LRRIQ1: variants seen among roughly 807,000 people sequenced by gnomAD.
LRRIQ1 encodes the protein leucine-rich repeat- and IQ domain-containing protein 1.
In LRRIQ1, 210 loss-of-function variants were observed where a neutral mutation model predicts 211.9. That is an observed-to-expected ratio of 0.99 (90% CI 0.89 to 1.11). LRRIQ1 has a LOEUF of 1.11. Ranked by LOEUF, LRRIQ1 falls within the 50% of genes most tolerant of loss-of-function variation. The probability of loss-of-function intolerance (pLI) is 0.00; values close to 1 mark genes in which losing one functional copy is unlikely to be tolerated. For synonymous variants in LRRIQ1, 699 were observed against 650.1 expected, an observed-to-expected ratio of 1.08 and a Z score of -1.14; for missense variants, 2,136 against 1,939.5, an observed-to-expected ratio of 1.10 and a Z score of -1.90.
intron 11 of LRRIQ1, among the ~76,000 whole-genome samples, chr12:85,077,514 G>A (rs2136138381): frequency 6.6e-6 from 1 of 152,250 alleles, no homozygotes; most frequent in Admixed American, 6.5e-5. Flanking sequence ...AATAGGGCAG[G>A]GGAAGAAATA....
intron 11 of LRRIQ1, chr12:85,076,551 T>C (rs1160099025): frequency 2.2e-5 from 15 of 668,600 alleles, no homozygotes; most frequent in Non-Finnish European, 5.5e-6. Flanking sequence ...CCTTCTTTAT[T>C]TTCTAGATAA....
At chr12:85,255,697 C>A (rs750251824) in intron 1 of LRRIQ1, among the ~76,000 whole-genome samples, 2 of 151,666 alleles carry the variant, frequency 1.3e-5, no homozygotes, top group African/African-American at 2.4e-5. Flanking sequence ...TTTTAAGAGT[C>A]TTTTAAATTA....
chr12:85,130,745 G>A (rs1395615034), intron 18 of LRRIQ1, among the ~76,000 whole-genome samples: 3 of 152,104 alleles, frequency 2.0e-5, no homozygotes, highest in Non-Finnish European at 4.4e-5. Context: ...GTGTGATATA[G>A]CAGAAACAAC....
intron 24 of LRRIQ1, among the ~76,000 whole-genome samples, chr12:85,219,785 T>A (rs1021316803): frequency 1.3e-4 from 20 of 152,132 alleles, no homozygotes; most frequent in Non-Finnish European, 2.8e-4. Flanking sequence ...CTTAAATATA[T>A]TTTTAAAGAA....
intron 11 of LRRIQ1, chr12:85,076,431 CT>C (rs1303507198): frequency 1.2e-4 from 19 of 157,776 alleles, no homozygotes; most frequent in Admixed American, 1.2e-3. Context: ...AAACTTTAAT[CT>C]GAAAAAATAT....
intron 24 of LRRIQ1, among the ~76,000 whole-genome samples, chr12:85,174,291 T>C (rs962956542): frequency 6.6e-6 from 1 of 151,872 alleles, no homozygotes; most frequent in African/African-American, 2.4e-5. Flanking sequence ...GCAGAAGATA[T>C]TGATAAATAA....
chr12:85,192,116 T>C (rs1377720513), intron 24 of LRRIQ1, among the ~76,000 whole-genome samples: 1 of 151,700 alleles, frequency 6.6e-6, no homozygotes, highest in Non-Finnish European at 1.5e-5. Flanking sequence ...AGTATTATAG[T>C]ATCTGATAAG....
Position 85,055,568 on chromosome 12 carries a change from T to A in LRRIQ1, c.775T>A (p.Leu259Ile), listed in dbSNP as rs774170751. The A allele has an allele frequency of 9.1e-6, 14 of 1,539,602 alleles. No homozygotes were observed. Among genetic ancestry groups the A allele is most frequent in the Non-Finnish European group, 1.0e-5 (12 of 1,150,916 alleles). The change falls in exon 8 of 27, where the codon TTA (leucine) becomes ATA (isoleucine). Residue 259 changes from leucine to isoleucine, a missense_variant. Transcript: ENST00000393217. ...QHEEYIRNLH[L>I]QMEEERTRFK... ...TTAGGAGTATATTAGAAACTTGCATTTACAAATGGAAGAAGAAAGAACAAG... is the reference window on the plus strand; with the variant it reads ...TTAGGAGTATATTAGAAACTTGCATATACAAATGGAAGAAGAAAGAACAAG...
chr12:85,186,855 TAAAG>T (rs1054660034), intron 24 of LRRIQ1, among the ~76,000 whole-genome samples: 8 of 151,882 alleles, frequency 5.3e-5, no homozygotes, highest in African/African-American at 1.2e-4. Context: ...ATATCTAGTA[TAAAG>T]AGAGTTGATG....
chr12:85,232,220 A>G (rs776654732), intron 25 of LRRIQ1, among the ~76,000 whole-genome samples: 2 of 152,112 alleles, frequency 1.3e-5, no homozygotes, highest in African/African-American at 4.8e-5. Flanking sequence ...ATTTTCAAAG[A>G]CAAGAGTTCT....
At chr12:85,150,128 T>G (rs1012381388) in intron 19 of LRRIQ1, among the ~76,000 whole-genome samples, 2 of 151,786 alleles carry the variant, frequency 1.3e-5, no homozygotes, top group African/African-American at 4.8e-5. Flanking sequence ...AAAAAGGCTG[T>G]TTGTATAAAA....
rs1344450072 is a variant in LRRIQ1 at position 85,065,542 on chromosome 12, A to T, written c.2544+128A>T. The T allele has an allele frequency of 1.4e-4, 94 of 659,574 alleles. 1 individual carries two copies. The highest frequency in any genetic ancestry group is 1.5e-5 in the Non-Finnish European group (7 of 452,840). 40.9% of individuals were successfully genotyped at this position (659,574 alleles called of 1,614,324 possible). On this transcript the variant is annotated intron_variant, in intron 9 of 26. Transcript: ENST00000393217. ...AACCTGTAACTCAGAGCCTGAAGAG[A>T]TCAGGTGGTATGGTAAAGTTTTGAG...
chr12:85,047,402 G>A lies in LRRIQ1; in HGVS notation c.610G>A (p.Glu204Lys). Residue 204 changes from glutamate to lysine, a missense_variant, in exon 6 of 27, where the codon GAA becomes AAA. Transcript: ENST00000393217. Reference protein sequence around the residue: ...DREEKQFQEEEEKRHCWMKQF... With the variant: ...DREEKQFQEEKEKRHCWMKQF... Reference sequence around the variant, plus strand: ...AGAAGAAAAACAATTTCAAGAAGAAGAAGAAAAGCGACATTGCTGGATGAA... The same window carrying A: ...AGAAGAAAAACAATTTCAAGAAGAAAAAGAAAAGCGACATTGCTGGATGAA... 1 of 1,598,910 alleles carries A rather than the reference G, an allele frequency of 6.3e-7. No homozygotes were observed. The highest frequency in any genetic ancestry group is 8.5e-7 in the Non-Finnish European group (1 of 1,171,816).
intron 24 of LRRIQ1, among the ~76,000 whole-genome samples, chr12:85,188,820 G>A (rs1395854585): frequency 6.6e-6 from 1 of 152,100 alleles, no homozygotes; most frequent in African/African-American, 2.4e-5. Context: ...GTCAGTGCCA[G>A]TGTCATACAG....
intron 4 of LRRIQ1, 125 bp downstream of exon 4, chr12:85,044,934 T>G: frequency 4.7e-6 from 2 of 429,526 alleles, no homozygotes; most frequent in East Asian, 7.4e-5. Flanking sequence ...TAATTATTCT[T>G]AAGCAAATCA....
intron 15 of LRRIQ1, among the ~76,000 whole-genome samples, chr12:85,119,656 A>G (rs1887831285): frequency 1.3e-5 from 2 of 152,226 alleles, no homozygotes; most frequent in South Asian, 4.1e-4. Context: ...CTTGCTCTAT[A>G]TCTTCACCAG....
At chr12:85,250,002 C>G (rs1002735222), downstream of LRRIQ1, among the ~76,000 whole-genome samples, 4 of 151,424 alleles carry the variant, frequency 2.6e-5, no homozygotes, top group Non-Finnish European at 4.4e-5. Flanking sequence ...ATTGTTTCTT[C>G]TTCTCCTCTG....
intron 18 of LRRIQ1, among the ~76,000 whole-genome samples, chr12:85,133,207 A>G (rs1292384591): frequency 1.3e-5 from 2 of 152,134 alleles, no homozygotes; most frequent in African/African-American, 2.4e-5. Context: ...ATGATTTTTT[A>G]TATTTTTCCC....
chr12:85,156,600 T>A (rs1890561364), intron 23 of LRRIQ1, among the ~76,000 whole-genome samples: 1 of 151,876 alleles, frequency 6.6e-6, no homozygotes, highest in African/African-American at 2.4e-5. Context: ...CTGTCTCAAA[T>A]AATGACCATA....
Sources: allele counts gnomAD v4.1 joint callset (sites outside exome capture counted in the v4.1 genomes callset), GRCh38; gene constraint gnomAD v4.1.1; transcripts MANE v1.5; gene names NCBI Gene and HGNC (gene_info 2026-07-23, HGNC 2026-07-21).